The following RNFT2 variants were observed in gnomAD, a reference collection of about 807,000 sequenced individuals.
RNFT2 encodes the protein E3 ubiquitin-protein ligase RNFT2.
A neutral mutation model predicts 53.0 loss-of-function variants in RNFT2; 36 were observed. The observed-to-expected ratio is 0.68, with a 90% CI of 0.52 to 0.90. The LOEUF (loss-of-function observed/expected upper bound fraction) is 0.90, where lower values mean the gene tolerates loss of function less well. Ranked by LOEUF, RNFT2 falls within the 40% of genes least tolerant of loss-of-function variation. The pLI, the probability that RNFT2 is intolerant of heterozygous loss-of-function variation, is 0.00. For missense variants in RNFT2, 514 were observed against 585.6 expected (o/e 0.88, Z 1.26); for synonymous variants, 260 against 253.2 (o/e 1.03, Z -0.26).
rs139305837 is a variant in RNFT2, at chr12:116,806,367, CAAAAAAA to C, written c.882+27028_882+27034del. ...CCTGGGTAACAGAGTGAGACTGTCTCAAAAAAAAAAAAAAATATATATATATATATAT... is the reference window on the plus strand; with the variant it reads ...CCTGGGTAACAGAGTGAGACTGTCTCAAAAAAAATATATATATATATATAT... On this transcript the variant is annotated intron_variant, in intron 7 of 10. Coordinates refer to ENST00000257575, the MANE Select transcript of RNFT2 (RefSeq NM_001382266.1). 5.4e-3 allele frequency among the ~76,000 whole-genome samples: 610 copies of C among 113,934 alleles called. 2 individuals carry two copies. The highest frequency in any genetic ancestry group is 8.2e-3 in the African/African-American group (211 of 25,848). 74.7% of individuals were successfully genotyped at this position (113,934 alleles called of 152,430 possible). A position where few individuals can be genotyped will look rare whatever the true frequency, so the allele number is the denominator to read the frequency against.
At chr12:116,795,241 A>T (rs1009773813) in intron 7 of RNFT2, among the ~76,000 whole-genome samples, 55 of 151,966 alleles carry the variant, frequency 3.6e-4, no homozygotes, top group African/African-American at 1.3e-3. Context: ...CCCTATCTCT[A>T]CCATAAAAAT....
chr12:116,772,992 C>T (rs1873269155), intron 6 of RNFT2, among the ~76,000 whole-genome samples: 1 of 152,106 alleles, frequency 6.6e-6, no homozygotes, highest in Non-Finnish European at 1.5e-5. Flanking sequence ...CCACATCCAG[C>T]TAATTTTTGT....
intron 10 of RNFT2, among the ~76,000 whole-genome samples, chr12:116,845,272 T>TAG (rs1387385188): frequency 2.2e-4 from 28 of 127,056 alleles, no homozygotes; most frequent in African/African-American, 7.8e-4. Context: ...TATATATATA[T>TAG]ATAGAGAGAG....
chr12:116,784,523 G>A (rs557483659), intron 7 of RNFT2, among the ~76,000 whole-genome samples: 1 of 152,228 alleles, frequency 6.6e-6, no homozygotes, highest in African/African-American at 2.4e-5. Context: ...TTCATCTGGG[G>A]CCTGGGTTGA....
rs116008648 is a variant in RNFT2 at position 116,814,083 on chromosome 12, G to T, written c.883-19709G>T. On this transcript the variant is annotated intron_variant, in intron 7 of 10. Transcript: ENST00000257575. The stretch of plus-strand genomic sequence containing the variant: ...AAAACATGACCCCAGCCCTCCCCGT[G>T]TCATTCTCCAGGAGTAGATGATGAT... Among the ~76,000 whole-genome samples, 629 of 152,302 alleles carry T rather than the reference G, an allele frequency of 4.1e-3. 4 individuals are homozygous for T. Among genetic ancestry groups the T allele is most frequent in the African/African-American group, 0.014 (587 of 41,562 alleles).
In RNFT2 at chr12:116,750,110, A is replaced by G. The variant is rs760717481; in HGVS notation, c.353A>G (p.His118Arg). Residue 118 changes from histidine to arginine, a missense_variant, in exon 4 of 11, where the codon CAT (histidine) becomes CGT (arginine). This residue lies in a region of RNFT2 where 237 missense variants were observed against 235.1 expected (regional missense o/e 1.01). Coordinates refer to ENST00000257575, the MANE Select transcript of RNFT2 (RefSeq NM_001382266.1). ...HHRQPHHHFH[H>R]GGHRGGSLLQ... is the part of the protein sequence containing the mutation. ...CGCCAGCCCCACCACCATTTCCACCATGGCGGCCACCGCGGGGGCTCCCTG... is the reference window on the plus strand; with the variant it reads ...CGCCAGCCCCACCACCATTTCCACCGTGGCGGCCACCGCGGGGGCTCCCTG... 61 of 1,561,192 alleles carry G rather than the reference A, an allele frequency of 3.9e-5. No homozygotes were observed. Among genetic ancestry groups the G allele is most frequent in the African/African-American group, 6.8e-5 (5 of 73,936 alleles).
At chr12:116,814,051 G>T (rs1374516788) in intron 7 of RNFT2, among the ~76,000 whole-genome samples, 1 of 152,144 alleles carries the variant, frequency 6.6e-6, no homozygotes, top group African/African-American at 2.4e-5. Flanking sequence ...AGGAAACGGG[G>T]CCTTGGAAAA....
In RNFT2 at chr12:116,836,182, A is replaced by C. The variant is rs1876957093; in HGVS notation, c.1100A>C (p.Asn367Thr). 1.3e-6 allele frequency: 2 copies of C among 1,595,260 alleles called. No individual in the cohort carries two copies. Among genetic ancestry groups the C allele is most frequent in the Non-Finnish European group, 1.7e-6 (2 of 1,170,806 alleles). ...KALKLLCTSQ[N>T]YGVRATGQQC... ...ATTTGCTTCTCCCCTCCCTCAAAGAACTATGGAGTCCGAGCCACCGGGCAG... is the reference window on the plus strand; with the variant it reads ...ATTTGCTTCTCCCCTCCCTCAAAGACCTATGGAGTCCGAGCCACCGGGCAG... Residue 367 changes from asparagine to threonine, a missense_variant and splice_region_variant, in exon 10 of 11, where the codon AAC becomes ACC. This residue lies in a region of RNFT2 where 273 missense variants were observed against 334.4 expected (regional missense o/e 0.82). Coordinates refer to ENST00000257575, the MANE Select transcript of RNFT2 (RefSeq NM_001382266.1).
chr12:116,811,576 A>T (rs890131650), intron 7 of RNFT2, among the ~76,000 whole-genome samples: 1 of 152,138 alleles, frequency 6.6e-6, no homozygotes, highest in African/African-American at 2.4e-5. Flanking sequence ...AGTTTTCGCC[A>T]TGTTGGCCAG....
intron 1 of RNFT2, among the ~76,000 whole-genome samples, chr12:116,739,529 A>G (rs1318660856): frequency 1.3e-5 from 2 of 152,274 alleles, no homozygotes; most frequent in African/African-American, 2.4e-5. Flanking sequence ...GGGCAATATT[A>G]CGGGGAGTCA....
chr12:116,850,615 C>CTT lies in RNFT2; in HGVS notation c.*1170_*1171dup, dbSNP rs56995727. 115,255 of 140,940 alleles carry CTT rather than the reference C, an allele frequency of 0.82. 48,139 individuals are homozygous for CTT. The highest frequency in any genetic ancestry group is 0.89 in the Admixed American group (12,183 of 13,750). The allele number at this position is 140,940 out of a possible 1,614,324, so 8.7% of individuals were successfully genotyped here. A position where few individuals can be genotyped will look rare whatever the true frequency, so the allele number is the denominator to read the frequency against. ...AGCCCTGTGAAGTATTTTTTCTTTTCTTTTCTTTTTTTTTTTTTTTTTGTT... is the reference window on the plus strand; with the variant it reads ...AGCCCTGTGAAGTATTTTTTCTTTTCTTTTTTCTTTTTTTTTTTTTTTTTGTT... On this transcript the variant is annotated 3_prime_UTR_variant, in exon 11 of 11. Transcript: ENST00000257575.
chr12:116,846,115 A>G (rs955841832), intron 10 of RNFT2, among the ~76,000 whole-genome samples: 11 of 152,192 alleles, frequency 7.2e-5, no homozygotes. Context: ...ACACCATGCT[A>G]GGAATGAAGG....
chr12:116,758,245 ATGGT>A (rs1444962595), intron 5 of RNFT2, among the ~76,000 whole-genome samples: 4 of 152,146 alleles, frequency 2.6e-5, no homozygotes, highest in Non-Finnish European at 5.9e-5. Flanking sequence ...AAGGCAGCAG[ATGGT>A]TGGTTGGTGA....
intron 4 of RNFT2, among the ~76,000 whole-genome samples, chr12:116,753,152 T>TTTC (rs1872333385): frequency 8.2e-6 from 1 of 122,524 alleles, no homozygotes; most frequent in Non-Finnish European, 1.7e-5. Flanking sequence ...CTTTTTCTTT[T>TTTC]TTTTTTTTTT....
chr12:116,825,731 G>T (rs1876292816), intron 7 of RNFT2, among the ~76,000 whole-genome samples: 1 of 152,118 alleles, frequency 6.6e-6, no homozygotes, highest in Admixed American at 6.6e-5. Flanking sequence ...GCACAGCACT[G>T]CATGCATATC....
At chr12:116,830,231 C>T (rs1451711062) in intron 7 of RNFT2, among the ~76,000 whole-genome samples, 1 of 152,140 alleles carries the variant, frequency 6.6e-6, no homozygotes, top group African/African-American at 2.4e-5. Flanking sequence ...AACCTAAAGA[C>T]CTCATTCACA....
chr12:116,812,904 G>A (rs548999361), intron 7 of RNFT2, among the ~76,000 whole-genome samples: 7 of 152,022 alleles, frequency 4.6e-5, no homozygotes, highest in Admixed American at 1.3e-4. Context: ...ATAATCCCAC[G>A]CCATTCAGAG....
chr12:116,779,141 C>G, intron 6 of RNFT2, 54 bp from the exon 7 acceptor site: 1 of 1,588,724 alleles, frequency 6.3e-7, no homozygotes, highest in South Asian at 1.1e-5. Context: ...GTAGAAGGAG[C>G]TGCTGAGGCC....
Position 116,750,177 on chromosome 12 carries a change from G to C in RNFT2, c.420G>C (p.Glu140Asp). The part of the protein sequence containing the change: ...VGGDHRGHSE[E>D]GGDEQPGTPA... ...GGGACCACCGGGGGCACTCGGAGGA[G>C]GGAGGCGACGAGCAGCCTGGGACGC... Residue 140 changes from glutamate to aspartate, a missense_variant, in exon 4 of 11, where the codon GAG (glutamate) becomes GAC (aspartate). By Grantham distance (45) the Glu-to-Asp change is conservative (BLOSUM62 2). This residue lies in a region of RNFT2 where 237 missense variants were observed against 235.1 expected (regional missense o/e 1.01). Transcript: ENST00000257575. 1 of 1,596,792 alleles carries C rather than the reference G, an allele frequency of 6.3e-7. No homozygotes were observed. The highest frequency in any genetic ancestry group is 8.5e-7 in the Non-Finnish European group (1 of 1,176,288).
Sources: allele counts gnomAD v4.1 joint callset (sites outside exome capture counted in the v4.1 genomes callset), GRCh38; gene constraint gnomAD v4.1.1; regional missense constraint gnomAD v4.1.1; transcripts MANE v1.5; gene names NCBI Gene and HGNC (gene_info 2026-07-23, HGNC 2026-07-21).